The following THSD7B variants were observed in gnomAD, a reference collection of about 807,000 sequenced individuals.
The protein encoded by THSD7B is thrombospondin type 1 domain containing 7B, also known as thrombospondin type-1 domain-containing protein 7B.
A neutral mutation model predicts 213.6 loss-of-function variants in THSD7B; 138 were observed. That is an observed-to-expected ratio of 0.65 (90% CI 0.56 to 0.74). The LOEUF is 0.74. Among genes scored for constraint, THSD7B ranks in the 30% least tolerant of loss-of-function variants. The pLI, the probability that THSD7B is intolerant of heterozygous loss-of-function variation, is 0.00. For missense variants in THSD7B, 1,931 were observed against 1,991.5 expected, an observed-to-expected ratio of 0.97 and a Z score of 0.58; for synonymous variants, 742 against 687.0, an observed-to-expected ratio of 1.08 and a Z score of -1.25.
At chr2:137,294,888 A>G (rs1683422214) in intron 12 of THSD7B, among the ~76,000 whole-genome samples, 1 of 152,094 alleles carries the variant, frequency 6.6e-6, no homozygotes, top group Non-Finnish European at 1.5e-5. Flanking sequence ...AGGAAAATCA[A>G]TGCCTTGATG....
intron 27 of THSD7B, among the ~76,000 whole-genome samples, chr2:137,675,366 C>T (rs1262915141): frequency 1.4e-5 from 2 of 141,870 alleles, no homozygotes; most frequent in Non-Finnish European, 3.0e-5. Context: ...TATGTGCAGA[C>T]AAAAAATGTC....
chr2:137,122,695 C>T (rs1688565173), intron 5 of THSD7B, among the ~76,000 whole-genome samples: 1 of 152,142 alleles, frequency 6.6e-6, no homozygotes. Context: ...TCCAACAATG[C>T]TGAACATCTT....
chr2:137,083,776 A>G (rs764738373), intron 3 of THSD7B, among the ~76,000 whole-genome samples: 1 of 152,136 alleles, frequency 6.6e-6, no homozygotes, highest in African/African-American at 2.4e-5. Context: ...TCTGTAAGCT[A>G]TAGAAGCAAC....
At chr2:137,440,479 G>C (rs1302876927) in intron 14 of THSD7B, among the ~76,000 whole-genome samples, 2 of 146,918 alleles carry the variant, frequency 1.4e-5, no homozygotes, top group African/African-American at 2.6e-5. Context: ...TTTTTTAATT[G>C]GACATATGAG....
chr2:137,229,838 C>G (rs1244705653), intron 7 of THSD7B, among the ~76,000 whole-genome samples: 3 of 152,122 alleles, frequency 2.0e-5, no homozygotes, highest in Non-Finnish European at 4.4e-5. Context: ...ATAACATATG[C>G]AAAGCCTGAA....
At chr2:137,198,206 A>C (rs1387462104) in intron 7 of THSD7B, among the ~76,000 whole-genome samples, 1 of 152,188 alleles carries the variant, frequency 6.6e-6, no homozygotes, top group Non-Finnish European at 1.5e-5. Flanking sequence ...AATCAATGAG[A>C]CTGGCATTTC....
chr2:137,187,141 G>A (rs747564982), intron 7 of THSD7B, among the ~76,000 whole-genome samples: 5 of 152,134 alleles, frequency 3.3e-5, no homozygotes, highest in South Asian at 2.1e-4. Context: ...ATTTGAAGTC[G>A]TTTTAGTGTC....
At chr2:137,037,505 A>AC (rs1686800088) in intron 2 of THSD7B, among the ~76,000 whole-genome samples, 2 of 151,308 alleles carry the variant, frequency 1.3e-5, no homozygotes, top group African/African-American at 4.8e-5. Context: ...AATCTAGTAT[A>AC]TTTTTCCATG....
At position 137,222,887 on chromosome 2, in the gene THSD7B, T is replaced by C. The variant is rs541221518; in HGVS notation, c.1724-8157T>C. On this transcript the variant is annotated intron_variant, in intron 7 of 27. Transcript: ENST00000409968. ...CTTCCTGGGTCAGAAAGGAGGAGCC[T>C]GGGGAGGATGTGGAGAAGATAGTAG... 6.6e-5 allele frequency among the ~76,000 whole-genome samples: 10 copies of C among 152,268 alleles called. No homozygotes were observed. The South Asian group carries it at 1.9e-3, about 28-fold the overall frequency.
At chr2:137,319,046 C>T (rs2104876232) in intron 12 of THSD7B, among the ~76,000 whole-genome samples, 1 of 151,958 alleles carries the variant, frequency 6.6e-6, no homozygotes, top group Middle Eastern at 3.4e-3. Context: ...TAATGGAGGT[C>T]ATTTACTCGT....
At chr2:137,557,728 A>C (rs1315166770) in intron 15 of THSD7B, among the ~76,000 whole-genome samples, 2 of 152,334 alleles carry the variant, frequency 1.3e-5, no homozygotes, top group East Asian at 1.9e-4. Flanking sequence ...GCAGAACTGA[A>C]GGACATAGAG....
intron 1 of THSD7B, among the ~76,000 whole-genome samples, chr2:136,835,925 G>T (rs1031598630): frequency 6.6e-6 from 1 of 152,050 alleles, no homozygotes; most frequent in Non-Finnish European, 1.5e-5. Context: ...GTTTATTTTT[G>T]CTTTCGGGGA....
chr2:137,325,078 A>G (rs756439800), intron 12 of THSD7B, among the ~76,000 whole-genome samples: 1 of 152,252 alleles, frequency 6.6e-6, no homozygotes, highest in African/African-American at 2.4e-5. Flanking sequence ...TGTTGTTGCT[A>G]TAGAAAGAAG....
chr2:136,892,257 G>A (rs1335620474), intron 2 of THSD7B, among the ~76,000 whole-genome samples: 2 of 152,106 alleles, frequency 1.3e-5, no homozygotes, highest in African/African-American at 2.4e-5. Context: ...ATCTCTTGAT[G>A]GGAGGAGTGG....
intron 4 of THSD7B, among the ~76,000 whole-genome samples, chr2:137,097,797 CACACACACACA>C (rs1269818637): frequency 3.8e-4 from 57 of 151,688 alleles, no homozygotes; most frequent in African/African-American, 1.2e-3. Context: ...CACACACACA[CACACACACACA>C]CCTTTAAAAC....
intron 17 of THSD7B, among the ~76,000 whole-genome samples, chr2:137,583,681 C>G (rs1009385300): frequency 1.5e-4 from 23 of 152,228 alleles, no homozygotes; most frequent in South Asian, 1.2e-3. Flanking sequence ...GGGCTCTGTT[C>G]TGTTCCATTG....
At chr2:136,810,875 G>A (rs1372507269) in intron 1 of THSD7B, among the ~76,000 whole-genome samples, 2 of 152,158 alleles carry the variant, frequency 1.3e-5, no homozygotes, top group Non-Finnish European at 2.9e-5. Flanking sequence ...TCCTGGCATG[G>A]ATTCTTTGAG....
chr2:137,341,075 G>A (rs762897540), intron 12 of THSD7B, among the ~76,000 whole-genome samples: 1 of 143,608 alleles, frequency 7.0e-6, no homozygotes, highest in Admixed American at 7.2e-5. Flanking sequence ...CCCTTTTCTC[G>A]AGGTTCCCTT....
At chr2:137,113,715 G>A (rs1404194366) in intron 4 of THSD7B, among the ~76,000 whole-genome samples, 2 of 152,120 alleles carry the variant, frequency 1.3e-5, no homozygotes, top group African/African-American at 4.8e-5. Flanking sequence ...GGGATTACAG[G>A]CATGAGCCAC....
Sources: gnomAD v4.1 joint callset for allele counts (sites outside exome capture counted in the v4.1 genomes callset) on GRCh38, gnomAD v4.1.1 for gene constraint, MANE v1.5 for transcripts, NCBI Gene and HGNC (gene_info 2026-07-23, HGNC 2026-07-21) for gene names.